SRCAP: variants seen among roughly 807,000 people sequenced by gnomAD.
SRCAP encodes chromatin remodeling protein SRCAP.
SRCAP carries 46 observed loss-of-function variants against 263.1 expected under a neutral mutation model. The ratio of observed to expected loss-of-function variants is 0.17; its 90% CI spans 0.14 to 0.22. SRCAP has a LOEUF of 0.22. Ranked by LOEUF, SRCAP falls within the 10% of genes least tolerant of loss-of-function variation. SRCAP has a pLI of 1.00. For missense variants in SRCAP, 3,695 were observed against 4,181.9 expected, an observed-to-expected ratio of 0.88 and a Z score of 3.21; for synonymous variants, 1,813 against 1,662.1, an observed-to-expected ratio of 1.09 and a Z score of -2.21.
At chr16:30,736,957 A>C in intron 33 of SRCAP, 92 bp from the exon 34 acceptor site, 1 of 1,380,014 alleles carries the variant, frequency 7.2e-7, no homozygotes, top group Admixed American at 2.3e-5. Flanking sequence ...TACAGGCGTG[A>C]GCCACCGCGC....
chr16:30,713,425 G>A, intron 15 of SRCAP, 48 bp downstream of exon 15: 2 of 1,612,504 alleles, frequency 1.2e-6, no homozygotes, highest in Admixed American at 1.7e-5. Flanking sequence ...TGGCTAGAAG[G>A]GAGGGCTGCC....
At position 30,707,553 on chromosome 16, in the gene SRCAP, T is replaced by C; in HGVS notation, c.493-19T>C. 6.2e-7 allele frequency: 1 copy of C among 1,611,560 alleles called. No individual in the cohort carries two copies. Among genetic ancestry groups the C allele is most frequent in the Non-Finnish European group, 8.5e-7 (1 of 1,178,838 alleles). On this transcript the variant is annotated intron_variant, in intron 5 of 33. Coordinates refer to ENST00000262518, the MANE Select transcript of SRCAP (RefSeq NM_006662.3). ...AGTCTGGCTTTGAGTGTTTTCACCC[T>C]GGGTCTTCATTCCCACAGGTGGTGC...
At chr16:30,735,442 G>A (rs1458407568) in intron 31 of SRCAP, among the ~76,000 whole-genome samples, 4 of 151,736 alleles carry the variant, frequency 2.6e-5, no homozygotes, top group Admixed American at 2.6e-4. Flanking sequence ...CACCGCGCCC[G>A]GCCACAAAGC....
rs761470627 is a variant in SRCAP, at chr16:30,724,940, C to T, written c.5516C>T (p.Ser1839Phe). 3.1e-6 allele frequency: 5 copies of T among 1,614,218 alleles called. No homozygotes were observed. Among genetic ancestry groups the T allele is most frequent in the Non-Finnish European group, 3.4e-6 (4 of 1,180,048 alleles). ...GAAPLPVTMV[S>F]RLPVSKDEPD... The stretch of plus-strand genomic sequence containing the variant: ...GCTCCCTTGCCTGTCACCATGGTAT[C>T]CCGGCTGCCTGTTTCCAAGGATGAG... Residue 1839 changes from serine to phenylalanine, a missense_variant, in exon 25 of 34, where the codon TCC becomes TTC. This residue lies in a region of SRCAP where 1,347 missense variants were observed against 1,304.4 expected (regional missense o/e 1.03). Transcript: ENST00000262518.
At position 30,739,270 on chromosome 16, in the gene SRCAP, G is replaced by A. The variant is rs529045247; in HGVS notation, c.9230G>A (p.Arg3077Gln). The A allele has an allele frequency of 3.2e-5, 51 of 1,614,006 alleles. No individual in the cohort carries two copies. The highest frequency in any genetic ancestry group is 1.1e-4 in the East Asian group (5 of 44,886). The stretch of plus-strand genomic sequence containing the variant: ...CTTCGGCTTGAAGCAGAAGGAATGC[G>A]AGGACGGAAGAGTGGAGGGTCCATG... ...ARLRLEAEGM[R>Q]GRKSGGSMVV... Residue 3077 changes from arginine to glutamine, a missense_variant, in exon 34 of 34, where the codon CGA becomes CAA. This residue lies in a region of SRCAP where 1,207 missense variants were observed against 1,142.9 expected (regional missense o/e 1.06). Coordinates refer to ENST00000262518, the MANE Select transcript of SRCAP (RefSeq NM_006662.3).
rs540353377 is a variant in SRCAP at position 30,709,963 on chromosome 16, G to A, written c.969G>A (p.Leu323=). The change falls in exon 8 of 34, where the codon CTG becomes CTA. Residue 323 remains leucine (L), a synonymous_variant. Transcript: ENST00000262518. ...DAEAQRREIE[L]LRREGELPLE... ...AGGCCCAGAGGCGTGAGATTGAGCT[G>A]CTTCGCCGTGAGGGAGAATTGCCAC... 6 of 1,614,114 alleles carry A rather than the reference G, an allele frequency of 3.7e-6. No homozygotes were observed. Among genetic ancestry groups the A allele is most frequent in the Non-Finnish European group, 5.1e-6 (6 of 1,180,054 alleles).
chr16:30,718,475 C>CTT (rs770730538), intron 18 of SRCAP, among the ~76,000 whole-genome samples: 1 of 134,726 alleles, frequency 7.4e-6, no homozygotes, highest in Non-Finnish European at 1.6e-5. Flanking sequence ...CTGTGCCTGG[C>CTT]TTTTTTTTTT....
At chr16:30,736,899 C>G in intron 33 of SRCAP, 150 bp from the exon 34 acceptor site, 2 of 919,664 alleles carry the variant, frequency 2.2e-6, no homozygotes, top group Admixed American at 2.5e-5. Flanking sequence ...GTCTTGAACT[C>G]CTGACCTCAG....
Position 30,709,746 on chromosome 16 carries a change from T to C in SRCAP, c.856+11T>C, listed in dbSNP as rs2052867735. The C allele has an allele frequency of 1.9e-6, 3 of 1,614,180 alleles. No individual in the cohort carries two copies. Among genetic ancestry groups the C allele is most frequent in the Non-Finnish European group, 2.5e-6 (3 of 1,180,028 alleles). ...GCCTGGATGATGAAGGTGTGTGTTC[T>C]CTTTGGTCCTGTTACTCTTCCTCAT... is the stretch of plus-strand genomic sequence containing the variant. On this transcript the variant is annotated intron_variant, in intron 7 of 33. Coordinates refer to ENST00000262518, the MANE Select transcript of SRCAP (RefSeq NM_006662.3).
At chr16:30,699,575 C>T (rs2052742718) in intron 1 of SRCAP, among the ~76,000 whole-genome samples, 1 of 152,192 alleles carries the variant, frequency 6.6e-6, no homozygotes, top group Admixed American at 6.5e-5. Context: ...TGCGTTCAGC[C>T]CTCACTGGAA....
chr16:30,737,062 C>T lies in SRCAP; in HGVS notation c.7022C>T (p.Ala2341Val). 1 of 1,588,978 alleles carries T rather than the reference C, an allele frequency of 6.3e-7. No homozygotes were observed. The highest frequency in any genetic ancestry group is 8.6e-7 in the Non-Finnish European group (1 of 1,166,176). The change falls in exon 34 of 34, where the codon GCT (alanine) becomes GTT (valine). Residue 2341 changes from alanine to valine, a missense_variant. Transcript: ENST00000262518. ...CTGTTGTTGTAGGAGCAAGTGGAAG[C>T]TGCCCGCAAAGACCTGGACCAAGCC... is the stretch of plus-strand genomic sequence containing the variant. ...ELKQAEEQVE[A>V]ARKDLDQAKE...
At chr16:30,736,477 A>C (rs1013081956) in intron 32 of SRCAP, 64 bp from the exon 33 acceptor site, 4 of 1,611,546 alleles carry the variant, frequency 2.5e-6, no homozygotes, top group Admixed American at 1.7e-5. Context: ...GGTGGGAATA[A>C]ATAAGGGTGG....
chr16:30,729,039 A>G lies in SRCAP; in HGVS notation c.5732A>G (p.His1911Arg). The G allele has an allele frequency of 6.2e-7, 1 of 1,611,672 alleles. No homozygotes were observed. The highest frequency in any genetic ancestry group is 8.5e-7 in the Non-Finnish European group (1 of 1,177,760). The change falls in exon 26 of 34, where the codon CAT (histidine) becomes CGT (arginine). Residue 1911 changes from histidine (H) to arginine (R), a missense_variant. His to Arg is a conservative substitution (Grantham distance 29, BLOSUM62 0). Around this residue, in one of 12 missense-constraint regions of SRCAP, gnomAD observed 1,347 missense variants for 1,304.4 expected, o/e 1.03. Transcript: ENST00000262518. ...LERIFQLSEA[H>R]GALAPVYGTE... is the part of the protein sequence containing the mutation. The stretch of plus-strand genomic sequence containing the variant: ...CGGATTTTCCAACTTAGTGAGGCTC[A>G]TGGGGCCCTGGCACCTGTGTATGGG...
At chr16:30,713,115 C>G (rs2052910337) in intron 14 of SRCAP, 93 bp from the exon 15 acceptor site, 1 of 1,366,432 alleles carries the variant, frequency 7.3e-7, no homozygotes, top group African/African-American at 1.4e-5. Flanking sequence ...TTCTTCCAAC[C>G]TGATTACTGT....
rs1469375310 is a variant in SRCAP at position 30,738,156 on chromosome 16, T to G, written c.8116T>G (p.Ser2706Ala). ...AEVAAPSTSSSATSSPEGPSP... is the reference protein window; with the variant it reads ...AEVAAPSTSSAATSSPEGPSP... ...GGTTGCAGCTCCATCCACCTCATCT[T>G]CAGCCACTTCCTCGCCTGAGGGTCC... Residue 2706 changes from serine to alanine, a missense_variant, in exon 34 of 34, where the codon TCA becomes GCA. Physicochemically the swap from Ser to Ala is moderately conservative, Grantham distance 99. Transcript: ENST00000262518. 11 of 1,614,044 alleles carry G rather than the reference T, an allele frequency of 6.8e-6. No homozygotes were observed. Among genetic ancestry groups the G allele is most frequent in the Non-Finnish European group, 9.3e-6 (11 of 1,180,034 alleles).
In SRCAP at chr16:30,711,943, C is replaced by T; in HGVS notation, c.1601C>T (p.Ala534Val). 4 of 1,613,800 alleles carry T rather than the reference C, an allele frequency of 2.5e-6. No individual in the cohort carries two copies. Among genetic ancestry groups the T allele is most frequent in the Middle Eastern group, 1.6e-4 (1 of 6,062 alleles). The part of the protein sequence containing the change: ...EESESEESED[A>V]QSQSQADEEE... Reference sequence around the variant, plus strand: ...TCTGAGTCTGAAGAGTCTGAGGATGCCCAATCACAGAGCCAAGCAGATGAA... The same window carrying T: ...TCTGAGTCTGAAGAGTCTGAGGATGTCCAATCACAGAGCCAAGCAGATGAA... The change falls in exon 12 of 34, where the codon GCC (alanine) becomes GTC (valine). Residue 534 changes from alanine to valine, a missense_variant. Coordinates refer to ENST00000262518, the MANE Select transcript of SRCAP (RefSeq NM_006662.3).
In SRCAP at chr16:30,721,495, GT is replaced by G; in HGVS notation, c.3541+20del. The G allele has an allele frequency of 1.2e-6, 2 of 1,602,820 alleles. No homozygotes were observed. The highest frequency in any genetic ancestry group is 8.5e-7 in the Non-Finnish European group (1 of 1,177,672). On this transcript the variant is annotated intron_variant, in intron 21 of 33. Transcript: ENST00000262518. ...CTGCCCTGTAAGTTCCCAGGGCTCT[GT>G]GGTGAGGGACTTGAGATGGGAGGAA... is the stretch of plus-strand genomic sequence containing the variant.
Position 30,729,376 on chromosome 16 carries a change from C to G in SRCAP, c.5931C>G (p.Ile1977Met). The G allele has an allele frequency of 6.2e-7, 1 of 1,614,120 alleles. No individual in the cohort carries two copies. The highest frequency in any genetic ancestry group is 8.5e-7 in the Non-Finnish European group (1 of 1,180,020). ...DQLSEIIERF[I>M]FVMPPVEAPP... Reference sequence around the variant, plus strand: ...CTGCTTCTTCCTTTCACAGGTTCATCTTTGTCATGCCTCCTGTGGAGGCAC... The same window carrying G: ...CTGCTTCTTCCTTTCACAGGTTCATGTTTGTCATGCCTCCTGTGGAGGCAC... Residue 1977 changes from isoleucine to methionine, a missense_variant, in exon 27 of 34, where the codon ATC (isoleucine) becomes ATG (methionine). Ile to Met is a conservative substitution (Grantham distance 10, BLOSUM62 1). Transcript: ENST00000262518.
chr16:30,715,592 G>C (rs1318191762), intron 16 of SRCAP, among the ~76,000 whole-genome samples: 1 of 151,200 alleles, frequency 6.6e-6, no homozygotes. Context: ...AAAACAGGAA[G>C]TCTTCCTTAA....
Sources: allele counts gnomAD v4.1 joint callset (sites outside exome capture counted in the v4.1 genomes callset), GRCh38; gene constraint gnomAD v4.1.1; regional missense constraint gnomAD v4.1.1; transcripts MANE v1.5; gene names NCBI Gene and HGNC (gene_info 2026-07-23, HGNC 2026-07-21).